Variants in CDH18 observed in about 807,000 individuals in gnomAD.
CDH18 encodes the protein cadherin-18.
A neutral mutation model predicts 67.9 loss-of-function variants in CDH18; 31 were observed. The observed-to-expected ratio is 0.46, with a 90% confidence interval of 0.34 to 0.62. The LOEUF (loss-of-function observed/expected upper bound fraction) is 0.62. CDH18 is among the 20% of genes least tolerant of loss of function. The pLI is 0.01. For missense variants in CDH18, 890 were observed against 975.5 expected (o/e 0.91, Z 1.17); for synonymous variants, 362 against 347.2 (o/e 1.04, Z -0.48).
chr5:20,302,725 A>C (rs190859071), intron 1 of CDH18, among the ~76,000 whole-genome samples: 23 of 152,354 alleles, frequency 1.5e-4, no homozygotes, highest in African/African-American at 5.1e-4. Context: ...TCTAAATGAG[A>C]ATGCGCTACG....
In CDH18 at chr5:20,204,810, T is replaced by C. The variant is rs116077116; in HGVS notation, c.-518+50634A>G. 8.4e-3 allele frequency among the ~76,000 whole-genome samples: 1,275 copies of C among 151,988 alleles called. 14 individuals carry two copies. The highest frequency in any genetic ancestry group is 0.012 in the Non-Finnish European group (812 of 67,902). On this transcript the variant is annotated intron_variant, in intron 2 of 14. Coordinates refer to the CDH18 transcript ENST00000507958. ...TTCTTTCTTTTTGTTCTTCTCTTTG[T>C]TCCTATTCTTTTCTTTGTGATCTAG...
At chr5:19,578,225 A>C (rs1304271212) in intron 7 of CDH18, among the ~76,000 whole-genome samples, 1 of 152,214 alleles carries the variant, frequency 6.6e-6, no homozygotes, top group Non-Finnish European at 1.5e-5. Context: ...GTAGAAACAT[A>C]GTAGAAATTT....
intron 2 of CDH18, among the ~76,000 whole-genome samples, chr5:19,949,484 G>A (rs1795584394): frequency 6.6e-6 from 1 of 152,018 alleles, no homozygotes; most frequent in Non-Finnish European, 1.5e-5. Context: ...CCAAATATAA[G>A]TTTTGGACTG....
At chr5:19,655,963 A>C (rs1756309418) in intron 5 of CDH18, among the ~76,000 whole-genome samples, 1 of 149,924 alleles carries the variant, frequency 6.7e-6, no homozygotes, top group Admixed American at 6.7e-5. Context: ...ACGAGAGAAG[A>C]GATACTTTTA....
chr5:20,310,169 G>A (rs1736861402), intron 1 of CDH18, among the ~76,000 whole-genome samples: 2 of 152,168 alleles, frequency 1.3e-5, no homozygotes, highest in Admixed American at 1.3e-4. Context: ...CATTAAAATA[G>A]TGGGTGTTCT....
chr5:20,438,723 T>C (rs1749367315), intron 1 of CDH18, among the ~76,000 whole-genome samples: 1 of 151,422 alleles, frequency 6.6e-6, no homozygotes. Context: ...GGCTGCTACA[T>C]GTACCTTCTA....
At chr5:20,217,989 T>C (rs1445868689) in intron 2 of CDH18, among the ~76,000 whole-genome samples, 1 of 151,868 alleles carries the variant, frequency 6.6e-6, no homozygotes, top group South Asian at 2.1e-4. Context: ...ACATGATATA[T>C]ATGTACCCCA....
chr5:19,981,815 C>G (rs1290220260), intron 1 of CDH18, among the ~76,000 whole-genome samples: 2 of 152,174 alleles, frequency 1.3e-5, no homozygotes, highest in Non-Finnish European at 2.9e-5. Flanking sequence ...GAGACAGCAA[C>G]ATGGTTCATA....
chr5:19,811,324 A>G (rs1778721122), intron 3 of CDH18, among the ~76,000 whole-genome samples: 1 of 152,126 alleles, frequency 6.6e-6, no homozygotes, highest in East Asian at 1.9e-4. Flanking sequence ...TAATCAATGT[A>G]AGGTAGGGTC....
intron 1 of CDH18, among the ~76,000 whole-genome samples, chr5:20,396,691 G>T (rs1310319458): frequency 1.3e-5 from 2 of 152,004 alleles, no homozygotes; most frequent in African/African-American, 4.8e-5. Context: ...TCATTTAGAT[G>T]CACTAAATTT....
intron 3 of CDH18, among the ~76,000 whole-genome samples, chr5:19,813,184 A>G (rs868656212): frequency 6.6e-6 from 1 of 152,194 alleles, no homozygotes; most frequent in East Asian, 1.9e-4. Context: ...AGAAATATCT[A>G]ATGTAGATGA....
intron 5 of CDH18, among the ~76,000 whole-genome samples, chr5:19,694,583 C>A (rs1206239566): frequency 6.6e-6 from 1 of 151,846 alleles, no homozygotes; most frequent in Non-Finnish European, 1.5e-5. Flanking sequence ...ACATATTCAC[C>A]AGTTTTAAAA....
intron 8 of CDH18, among the ~76,000 whole-genome samples, chr5:19,551,245 C>A (rs563761804): frequency 1.3e-5 from 2 of 152,090 alleles, no homozygotes; most frequent in African/African-American, 4.8e-5. Flanking sequence ...GAGGTAGTAA[C>A]CTCTTTGAAG....
At chr5:19,889,229 C>G (rs1788539373) in intron 2 of CDH18, among the ~76,000 whole-genome samples, 1 of 151,658 alleles carries the variant, frequency 6.6e-6, no homozygotes, top group Non-Finnish European at 1.5e-5. Flanking sequence ...CAATGTACTA[C>G]TCATGGATAT....
intron 2 of CDH18, among the ~76,000 whole-genome samples, chr5:20,017,611 A>G (rs1477739553): frequency 6.6e-6 from 1 of 152,228 alleles, no homozygotes; most frequent in African/African-American, 2.4e-5. Flanking sequence ...ATTCTAAATC[A>G]ACTGACAAGT....
intron 8 of CDH18, among the ~76,000 whole-genome samples, chr5:19,560,069 G>T (rs1025759566): frequency 6.6e-6 from 1 of 151,936 alleles, no homozygotes; most frequent in African/African-American, 2.4e-5. Flanking sequence ...AATCAATATT[G>T]TAAAAATGGC....
At chr5:20,046,053 A>G (rs977991305) in intron 2 of CDH18, among the ~76,000 whole-genome samples, 1 of 152,076 alleles carries the variant, frequency 6.6e-6, no homozygotes, top group Non-Finnish European at 1.5e-5. Context: ...TGGATTATAG[A>G]GGACTAAAGA....
At chr5:20,282,957 A>C (rs1297985578) in intron 1 of CDH18, among the ~76,000 whole-genome samples, 2 of 152,128 alleles carry the variant, frequency 1.3e-5, no homozygotes, top group African/African-American at 4.8e-5. Flanking sequence ...GACCAAAAAC[A>C]AATCCGTACA....
intron 7 of CDH18, among the ~76,000 whole-genome samples, chr5:19,588,049 A>G (rs1007441527): frequency 2.6e-5 from 4 of 151,798 alleles, no homozygotes; most frequent in Non-Finnish European, 4.4e-5. Flanking sequence ...TTTTGTGGTG[A>G]TTGTGAATGA....
Sources: gnomAD v4.1 joint callset for allele counts (sites outside exome capture counted in the v4.1 genomes callset) on GRCh38, gnomAD v4.1.1 for gene constraint, MANE v1.5 for transcripts, NCBI Gene and HGNC (gene_info 2026-07-23, HGNC 2026-07-21) for gene names.